Variants in CCSER1 observed in about 807,000 individuals in gnomAD.
CCSER1 encodes serine-rich coiled-coil domain-containing protein 1.
CCSER1 carries 41 observed loss-of-function variants against 82.0 expected under a neutral mutation model. The ratio of observed to expected loss-of-function variants is 0.50; its 90% CI spans 0.39 to 0.65. The LOEUF is 0.65. Ranked by LOEUF, CCSER1 falls within the 30% of genes least tolerant of loss-of-function variation. The probability of loss-of-function intolerance (pLI) is 0.00; values close to 1 mark genes in which losing one functional copy is unlikely to be tolerated. For missense variants in CCSER1, 1,119 were observed against 1,064.2 expected, an observed-to-expected ratio of 1.05 and a Z score of -0.72; for synonymous variants, 414 against 383.9, an observed-to-expected ratio of 1.08 and a Z score of -0.92.
intron 5 of CCSER1, among the ~76,000 whole-genome samples, chr4:90,594,575 C>A (rs575344428): frequency 3.9e-5 from 6 of 152,106 alleles, no homozygotes; most frequent in Non-Finnish European, 5.9e-5. Flanking sequence ...GGATGGAAGG[C>A]ATGAGAAACA....
At chr4:90,383,581 G>A (rs1303241331) in intron 3 of CCSER1, among the ~76,000 whole-genome samples, 4 of 151,898 alleles carry the variant, frequency 2.6e-5, no homozygotes, top group Admixed American at 2.6e-4. Context: ...AAGATTACCT[G>A]TAGTATTACC....
intron 8 of CCSER1, among the ~76,000 whole-genome samples, chr4:90,884,429 A>G (rs562810869): frequency 6.6e-6 from 1 of 152,284 alleles, no homozygotes; most frequent in East Asian, 1.9e-4. Context: ...TAATCAATTT[A>G]TATACATATT....
At chr4:90,597,204 A>G (rs1783446069) in intron 5 of CCSER1, among the ~76,000 whole-genome samples, 1 of 152,012 alleles carries the variant, frequency 6.6e-6, no homozygotes, top group South Asian at 2.1e-4. Flanking sequence ...CTGGAAAAAT[A>G]CCGTAACCTG....
At chr4:90,715,413 C>T (rs542002765) in intron 6 of CCSER1, among the ~76,000 whole-genome samples, 2 of 151,888 alleles carry the variant, frequency 1.3e-5, no homozygotes, top group African/African-American at 4.8e-5. Flanking sequence ...TTGGGTTATT[C>T]TAGGGTTTGG....
intron 9 of CCSER1, among the ~76,000 whole-genome samples, chr4:91,082,954 C>T (rs1018781436): frequency 2.0e-5 from 3 of 152,132 alleles, no homozygotes; most frequent in African/African-American, 7.2e-5. Flanking sequence ...CACTTCTACA[C>T]TATTAGTGGG....
intron 5 of CCSER1, among the ~76,000 whole-genome samples, chr4:90,606,168 T>G (rs1401614423): frequency 6.6e-6 from 1 of 151,070 alleles, no homozygotes; most frequent in Admixed American, 6.6e-5. Context: ...TAATAAGTTA[T>G]GGCCATTATC....
intron 10 of CCSER1, among the ~76,000 whole-genome samples, chr4:91,172,775 A>G (rs912778208): frequency 3.7e-4 from 56 of 152,178 alleles, no homozygotes; most frequent in Admixed American, 2.4e-3. Context: ...TATGTGACAC[A>G]TCTTTGATTG....
At chr4:91,210,256 TTATATATAACATTATTTA>T (rs1370812760) in intron 10 of CCSER1, among the ~76,000 whole-genome samples, 3 of 150,514 alleles carry the variant, frequency 2.0e-5, no homozygotes, top group African/African-American at 7.3e-5. Context: ...TGTTATTATA[TTATATATAACATTATTTA>T]TATATATAAC....
At chr4:90,302,482 G>A (rs1733343149) in intron 1 of CCSER1, among the ~76,000 whole-genome samples, 1 of 152,122 alleles carries the variant, frequency 6.6e-6, no homozygotes, top group South Asian at 2.1e-4. Context: ...ATCTCCAAAG[G>A]TCTTGAAGGT....
intron 9 of CCSER1, among the ~76,000 whole-genome samples, chr4:91,046,938 G>C (rs752353991): frequency 1.3e-5 from 2 of 151,794 alleles, no homozygotes; most frequent in Admixed American, 1.3e-4. Context: ...AGATGGTCTC[G>C]ATCTCCTGAT....
intron 10 of CCSER1, among the ~76,000 whole-genome samples, chr4:91,105,316 T>G (rs1199099331): frequency 6.6e-6 from 1 of 152,162 alleles, no homozygotes; most frequent in African/African-American, 2.4e-5. Flanking sequence ...GGGCTTCCTC[T>G]TTGCCCTCTG....
In CCSER1 at chr4:90,665,574, G is replaced by A. The variant is rs1731616491; in HGVS notation, c.1932+37342G>A. On this transcript the variant is annotated intron_variant, in intron 6 of 10. Transcript: ENST00000509176. ...CTGACCTCGTGATCCACCCGCCTCG[G>A]CCTCCCAAAGTGCTGGGATTACAGG... 2.0e-5 allele frequency among the ~76,000 whole-genome samples: 3 copies of A among 152,094 alleles called. 1 individual carries two copies. The highest frequency in any genetic ancestry group is 2.0e-4 in the Admixed American group (3 of 15,250).
intron 1 of CCSER1, among the ~76,000 whole-genome samples, chr4:90,259,689 T>C (rs1392414533): frequency 6.6e-6 from 1 of 152,182 alleles, no homozygotes; most frequent in African/African-American, 2.4e-5. Context: ...TTTTACCAAG[T>C]GCTTTTCCCT....
At chr4:91,363,945 A>G (rs940441519) in intron 10 of CCSER1, among the ~76,000 whole-genome samples, 4 of 151,656 alleles carry the variant, frequency 2.6e-5, no homozygotes, top group Non-Finnish European at 5.9e-5. Flanking sequence ...TCTTTAGTCT[A>G]TTGTATTGAT....
At position 90,656,236 on chromosome 4, in the gene CCSER1, TC is replaced by T. The variant is rs761385598; in HGVS notation, c.1932+28006del. ...TTATTTCCATGTTTTCTCCTTTGTG[TC>T]CTGCAAGTTTCTGAGGAAGGTGTGT... On this transcript the variant is annotated intron_variant, in intron 6 of 10. Coordinates refer to ENST00000509176, the MANE Select transcript of CCSER1 (RefSeq NM_001145065.2). Among the ~76,000 whole-genome samples, 191 of 152,040 alleles carry T rather than the reference TC, an allele frequency of 1.3e-3. 2 individuals are homozygous for T. The Middle Eastern group carries it at 0.031, about 24-fold the overall frequency.
intron 10 of CCSER1, among the ~76,000 whole-genome samples, chr4:91,595,454 TA>T: frequency 6.6e-6 from 1 of 152,274 alleles, no homozygotes; most frequent in African/African-American, 2.4e-5. Flanking sequence ...GATTAGGTTC[TA>T]AAAGATGAAA....
At chr4:91,385,723 CA>C (rs1751243819) in intron 10 of CCSER1, among the ~76,000 whole-genome samples, 1 of 151,456 alleles carries the variant, frequency 6.6e-6, no homozygotes, top group Admixed American at 6.6e-5. Flanking sequence ...GAAAAGTGGA[CA>C]AAAAACTTCT....
At chr4:90,815,260 C>T (rs771217685) in intron 7 of CCSER1, among the ~76,000 whole-genome samples, 2 of 152,076 alleles carry the variant, frequency 1.3e-5, no homozygotes, top group Non-Finnish European at 2.9e-5. Flanking sequence ...GAGAAACCAC[C>T]CCCATGATCC....
chr4:91,387,826 T>C (rs1353235703), intron 10 of CCSER1, among the ~76,000 whole-genome samples: 1 of 152,126 alleles, frequency 6.6e-6, no homozygotes, highest in Non-Finnish European at 1.5e-5. Flanking sequence ...TTAAAAGTTC[T>C]TGAAGGAGCA....
Sources: gnomAD v4.1 joint callset for allele counts (sites outside exome capture counted in the v4.1 genomes callset) on GRCh38, gnomAD v4.1.1 for gene constraint, MANE v1.5 for transcripts, NCBI Gene and HGNC (gene_info 2026-07-23, HGNC 2026-07-21) for gene names.